The following PTPRD variants were observed in gnomAD, a reference collection of about 807,000 sequenced individuals.
PTPRD encodes the protein receptor-type tyrosine-protein phosphatase delta.
A neutral mutation model predicts 214.5 loss-of-function variants in PTPRD; 34 were observed. That is an observed-to-expected ratio of 0.16 (90% CI 0.12 to 0.21). The LOEUF (loss-of-function observed/expected upper bound fraction) is 0.21, where lower values mean the gene tolerates loss of function less well. Among genes scored for constraint, PTPRD ranks in the 10% least tolerant of loss-of-function variants. The probability of loss-of-function intolerance (pLI) is 1.00; values close to 1 mark genes in which losing one functional copy is unlikely to be tolerated. For missense variants in PTPRD, 2,545 were observed against 2,398.7 expected, an observed-to-expected ratio of 1.06 and a Z score of -1.27; for synonymous variants, 1,128 against 845.7, an observed-to-expected ratio of 1.33 and a Z score of -5.79.
intron 12 of PTPRD, among the ~76,000 whole-genome samples, chr9:8,674,332 C>T (rs1596592788): frequency 1.3e-5 from 2 of 152,010 alleles, no homozygotes; most frequent in Admixed American, 1.3e-4. Context: ...GTGGCACACG[C>T]CTGTAGTCCC....
intron 10 of PTPRD, among the ~76,000 whole-genome samples, chr9:9,161,710 T>C (rs1262643026): frequency 6.6e-6 from 1 of 152,104 alleles, no homozygotes; most frequent in Non-Finnish European, 1.5e-5. Context: ...TACATTGACA[T>C]CTGTGGCAAA....
intron 10 of PTPRD, among the ~76,000 whole-genome samples, chr9:9,097,559 C>T (rs961879995): frequency 6.6e-6 from 1 of 150,832 alleles, no homozygotes; most frequent in Admixed American, 6.7e-5. Flanking sequence ...CAGGCACCTG[C>T]CACCATGCCA....
In PTPRD at chr9:8,316,187, C is replaced by G. The variant is rs1821636507; in HGVS notation, c.*1687G>C. 1 of 229,516 alleles carries G rather than the reference C, an allele frequency of 4.4e-6. No homozygotes were observed. The highest frequency in any genetic ancestry group is 5.7e-5 in the Admixed American group (1 of 17,624). 14.2% of individuals were successfully genotyped at this position (229,516 alleles called of 1,614,324 possible). A position where few individuals can be genotyped will look rare whatever the true frequency, so the allele number is the denominator to read the frequency against. On this transcript the variant is annotated 3_prime_UTR_variant, in exon 46 of 46. Transcript: ENST00000381196. ...CTGGTACAATCACTAACATCCCCGA[C>G]TTGGCTGAAAACTAGGAATGCATAT... is the stretch of plus-strand genomic sequence containing the variant.
intron 14 of PTPRD, among the ~76,000 whole-genome samples, chr9:8,531,638 A>G (rs2075725647): frequency 6.6e-6 from 1 of 152,078 alleles, no homozygotes; most frequent in African/African-American, 2.4e-5. Flanking sequence ...TGGTTTCTGT[A>G]TGTCCTAGGA....
chr9:8,438,417 G>C (rs1389776173), intron 34 of PTPRD, among the ~76,000 whole-genome samples: 2 of 152,142 alleles, frequency 1.3e-5, no homozygotes, highest in Non-Finnish European at 2.9e-5. Context: ...GAAACTCTTT[G>C]TTGGTGATAT....
At chr9:8,326,354 G>C (rs1388355149) in intron 44 of PTPRD, among the ~76,000 whole-genome samples, 1 of 151,938 alleles carries the variant, frequency 6.6e-6, no homozygotes, top group Non-Finnish European at 1.5e-5. Flanking sequence ...TTGGCTCTGT[G>C]TATGTGATGG....
chr9:8,784,941 T>C (rs1186400352), intron 11 of PTPRD, among the ~76,000 whole-genome samples: 1 of 152,132 alleles, frequency 6.6e-6, no homozygotes, highest in Non-Finnish European at 1.5e-5. Context: ...TAAGGTCAAA[T>C]TTTCTTCAAG....
At chr9:9,955,609 C>A (rs1482286851) in intron 4 of PTPRD, among the ~76,000 whole-genome samples, 1 of 151,696 alleles carries the variant, frequency 6.6e-6, no homozygotes, top group Admixed American at 6.6e-5. Flanking sequence ...CTGCAAGCTC[C>A]GCCTCCCAGG....
chr9:9,727,507 G>C (rs1159445746), intron 7 of PTPRD, among the ~76,000 whole-genome samples: 1 of 152,112 alleles, frequency 6.6e-6, no homozygotes, highest in African/African-American at 2.4e-5. Context: ...TTTTATGTCA[G>C]ATGAGAGGCT....
chr9:9,535,022 A>G (rs1447253831), intron 8 of PTPRD, among the ~76,000 whole-genome samples: 3 of 152,098 alleles, frequency 2.0e-5, no homozygotes, highest in African/African-American at 4.8e-5. Flanking sequence ...GAAATGTCCA[A>G]ATAAAATGCA....
At chr9:9,032,885 T>A (rs184218916) in intron 10 of PTPRD, among the ~76,000 whole-genome samples, 1 of 152,088 alleles carries the variant, frequency 6.6e-6, no homozygotes. Flanking sequence ...CTTGGCGTCT[T>A]CCCTTCCAGC....
intron 5 of PTPRD, among the ~76,000 whole-genome samples, chr9:9,892,511 T>C (rs187076906): frequency 6.6e-6 from 1 of 152,062 alleles, no homozygotes; most frequent in African/African-American, 2.4e-5. Flanking sequence ...AACCAAATGA[T>C]TCAGATCATT....
At chr9:8,509,874 G>A (rs1215053073) in intron 21 of PTPRD, among the ~76,000 whole-genome samples, 1 of 152,112 alleles carries the variant, frequency 6.6e-6, no homozygotes, top group East Asian at 1.9e-4. Context: ...CTAAAGGTTG[G>A]CTAGACGACT....
chr9:9,477,944 G>T (rs1569568677), intron 8 of PTPRD, among the ~76,000 whole-genome samples: 1 of 152,106 alleles, frequency 6.6e-6, no homozygotes. Context: ...ATTGATTTGT[G>T]TATCTTCTAA....
chr9:8,679,637 A>C (rs986751018), intron 12 of PTPRD, among the ~76,000 whole-genome samples: 2 of 152,218 alleles, frequency 1.3e-5, no homozygotes, highest in South Asian at 4.1e-4. Context: ...TTAGAATATA[A>C]ATATTTACAA....
chr9:10,373,602 G>A (rs759550946), intron 2 of PTPRD, among the ~76,000 whole-genome samples: 1 of 152,084 alleles, frequency 6.6e-6, no homozygotes, highest in South Asian at 2.1e-4. Flanking sequence ...ATAGAAAATT[G>A]TGTCTCTTAT....
intron 11 of PTPRD, among the ~76,000 whole-genome samples, chr9:8,874,234 G>A (rs1307361065): frequency 6.6e-6 from 1 of 152,146 alleles, no homozygotes; most frequent in Non-Finnish European, 1.5e-5. Context: ...CTTGCATGGT[G>A]ACTCTGCCAA....
chr9:8,484,508 C>G, intron 29 of PTPRD, 130 bp from the exon 30 acceptor site: 1 of 886,532 alleles, frequency 1.1e-6, no homozygotes. Flanking sequence ...ATTTCTAAGT[C>G]CATGAGTAGT....
chr9:10,050,987 G>A (rs936364969), intron 3 of PTPRD, among the ~76,000 whole-genome samples: 1 of 151,996 alleles, frequency 6.6e-6, no homozygotes. Flanking sequence ...TTCCTAAATA[G>A]TGTAAAATAT....
Sources: gnomAD v4.1 joint callset for allele counts (sites outside exome capture counted in the v4.1 genomes callset) on GRCh38, gnomAD v4.1.1 for gene constraint, MANE v1.5 for transcripts, NCBI Gene and HGNC (gene_info 2026-07-23, HGNC 2026-07-21) for gene names.